The following FYB2 variants were observed in gnomAD, a reference collection of about 807,000 sequenced individuals.
FYB2 encodes the protein FYN-binding protein 2.
A neutral mutation model predicts 94.1 loss-of-function variants in FYB2; 103 were observed. That is an observed-to-expected ratio of 1.09 (90% CI 0.93 to 1.29). The LOEUF (loss-of-function observed/expected upper bound fraction) is 1.29. FYB2 is among the 50% of genes most tolerant of loss of function. The pLI is 0.00. For missense variants in FYB2, 896 were observed against 841.5 expected, an observed-to-expected ratio of 1.06 and a Z score of -0.80; for synonymous variants, 293 against 287.9, an observed-to-expected ratio of 1.02 and a Z score of -0.18.
At chr1:56,804,977 C>T (rs1208132736) in intron 1 of FYB2, among the ~76,000 whole-genome samples, 2 of 152,130 alleles carry the variant, frequency 1.3e-5, no homozygotes, top group African/African-American at 4.8e-5. Flanking sequence ...TGCTGTTGCC[C>T]CTGCCCGGAA....
At chr1:56,825,931 C>G in the FYB2 span, among the ~76,000 whole-genome samples, 1 of 152,236 alleles carries the variant, frequency 6.6e-6, no homozygotes, top group African/African-American at 2.4e-5. Flanking sequence ...AGCTCATCCT[C>G]TTTCCTGAGC....
At chr1:56,782,402 T>C (rs1646029771) in intron 4 of FYB2, among the ~76,000 whole-genome samples, 1 of 152,140 alleles carries the variant, frequency 6.6e-6, no homozygotes, top group South Asian at 2.1e-4. Context: ...GTAATCATCA[T>C]TATTTTACTT....
intron 15 of FYB2, among the ~76,000 whole-genome samples, chr1:56,729,652 G>T (rs1644660134): frequency 6.6e-6 from 1 of 152,042 alleles, no homozygotes; most frequent in Admixed American, 6.6e-5. Flanking sequence ...CTGCACCATA[G>T]ACCAAATGGA....
chr1:56,764,032 C>T (rs1645564859), intron 5 of FYB2, among the ~76,000 whole-genome samples: 2 of 151,900 alleles, frequency 1.3e-5, no homozygotes, highest in South Asian at 2.1e-4. Flanking sequence ...CTCACTGCCA[C>T]CTCTGCCTCC....
At chr1:56,730,944 T>C (rs1644694408) in intron 15 of FYB2, among the ~76,000 whole-genome samples, 1 of 152,146 alleles carries the variant, frequency 6.6e-6, no homozygotes, top group Non-Finnish European at 1.5e-5. Context: ...CATGATGTAG[T>C]GTGATATATC....
At chr1:56,791,180 A>T (rs1646254927) in intron 2 of FYB2, among the ~76,000 whole-genome samples, 2 of 151,320 alleles carry the variant, frequency 1.3e-5, no homozygotes, top group Admixed American at 1.3e-4. Context: ...CATTCAACAA[A>T]TTTTTTTTTA....
chr1:56,767,914 T>G lies in FYB2; in HGVS notation c.978A>C (p.Glu326Asp). Reference protein sequence around the residue: ...PERLFNAEFEEPHNYEATISY... With the variant: ...PERLFNAEFEDPHNYEATISY... Reference sequence around the variant, plus strand: ...AAATTGTTGCCTCGTAATTATGTGGTTCTTCAAATTCTGCATTGAAAAGCC... The same window carrying G: ...AAATTGTTGCCTCGTAATTATGTGGGTCTTCAAATTCTGCATTGAAAAGCC... Residue 326 changes from glutamate to aspartate, a missense_variant, in exon 5 of 20, where the codon GAA becomes GAC. Physicochemically the swap from Glu to Asp is conservative, Grantham distance 45 (BLOSUM62 2). Coordinates refer to ENST00000343433, the MANE Select transcript of FYB2 (RefSeq NM_001004303.5). 1 of 1,608,150 alleles carries G rather than the reference T, an allele frequency of 6.2e-7. No homozygotes were observed. Among genetic ancestry groups the G allele is most frequent in the South Asian group, 1.1e-5 (1 of 89,780 alleles).
At chr1:56,801,053 A>C (rs1646508033) in intron 1 of FYB2, among the ~76,000 whole-genome samples, 1 of 152,156 alleles carries the variant, frequency 6.6e-6, no homozygotes, top group South Asian at 2.1e-4. Flanking sequence ...CCTCTATAGT[A>C]TCGCCAATTG....
intron 7 of FYB2, among the ~76,000 whole-genome samples, chr1:56,754,224 C>T (rs1645271837): frequency 6.6e-6 from 1 of 151,938 alleles, no homozygotes; most frequent in Non-Finnish European, 1.5e-5. Context: ...ACCTTTCTTT[C>T]CAAACTCATC....
intron 15 of FYB2, among the ~76,000 whole-genome samples, chr1:56,727,864 T>G (rs985151941): frequency 6.6e-6 from 1 of 152,094 alleles, no homozygotes; most frequent in African/African-American, 2.4e-5. Context: ...GAAAAAGAAT[T>G]TATCCAGATT....
At chr1:56,799,982 A>G (rs1200108491) in intron 1 of FYB2, among the ~76,000 whole-genome samples, 5 of 152,208 alleles carry the variant, frequency 3.3e-5, no homozygotes, top group East Asian at 3.9e-4. Flanking sequence ...ACATTTCCTA[A>G]TTGGAAAATA....
chr1:56,818,184 G>T (rs1646928157), intron 1 of FYB2, among the ~76,000 whole-genome samples: 1 of 152,030 alleles, frequency 6.6e-6, no homozygotes, highest in South Asian at 2.1e-4. Flanking sequence ...GGTCGAGGTG[G>T]GGGTGGCGGG....
At chr1:56,723,969 G>A (rs970744647) in intron 16 of FYB2, among the ~76,000 whole-genome samples, 1 of 151,860 alleles carries the variant, frequency 6.6e-6, no homozygotes, top group Non-Finnish European at 1.5e-5. Context: ...AAATATTTTT[G>A]ATGGCAAGAT....
At position 56,819,388 on chromosome 1, in the gene FYB2, G is replaced by T; in HGVS notation, c.-98C>A. 2 of 1,530,640 alleles carry T rather than the reference G, an allele frequency of 1.3e-6. No homozygotes were observed. The highest frequency in any genetic ancestry group is 1.1e-5 in the South Asian group (1 of 88,754). The allele number at this position is 1,530,640 out of a possible 1,614,324, so 94.8% of individuals were successfully genotyped here. ...CTTTCCTCTGTCTCTGCTAGCCAGG[G>T]AGCAATCACTTCCCACAGGACACAC... On this transcript the variant is annotated 5_prime_UTR_variant, in exon 1 of 20. Transcript: ENST00000343433.
intron 3 of FYB2, 70 bp from the exon 4 acceptor site, chr1:56,787,278 G>A: frequency 6.4e-7 from 1 of 1,559,968 alleles, no homozygotes; most frequent in Admixed American, 1.7e-5. Context: ...TGATGCTTGT[G>A]TGATGACTTG....
At chr1:56,751,338 T>C (rs575984174) in intron 8 of FYB2, 135 bp from the exon 9 acceptor site, 192 of 997,252 alleles carry the variant, frequency 1.9e-4, no homozygotes, top group African/African-American at 1.4e-3. Context: ...AATAATATCT[T>C]ACTAGACTCT....
intron 12 of FYB2, among the ~76,000 whole-genome samples, 183 bp from the exon 13 acceptor site, chr1:56,740,978 G>A (rs1038162473): frequency 6.6e-6 from 1 of 152,040 alleles, no homozygotes; most frequent in Non-Finnish European, 1.5e-5. Context: ...CGGGAGGGTG[G>A]GAGGAAGAAT....
At chr1:56,794,683 C>G (rs1236268215) in intron 1 of FYB2, among the ~76,000 whole-genome samples, 2 of 152,056 alleles carry the variant, frequency 1.3e-5, no homozygotes, top group Non-Finnish European at 2.9e-5. Flanking sequence ...CACACACACA[C>G]ACGCACAGGC....
chr1:56,760,062 CAGTG>C (rs1645452361), intron 5 of FYB2, among the ~76,000 whole-genome samples: 1 of 126,142 alleles, frequency 7.9e-6, no homozygotes. Flanking sequence ...CTGGGCAACA[CAGTG>C]AGACTCCATC....
Sources: gnomAD v4.1 joint callset for allele counts (sites outside exome capture counted in the v4.1 genomes callset) on GRCh38, gnomAD v4.1.1 for gene constraint, MANE v1.5 for transcripts, NCBI Gene and HGNC (gene_info 2026-07-23, HGNC 2026-07-21) for gene names.